The following BCAR3 variants were observed in gnomAD, a reference collection of about 807,000 sequenced individuals.
BCAR3 encodes breast cancer anti-estrogen resistance protein 3.
A neutral mutation model predicts 80.1 loss-of-function variants in BCAR3; 37 were observed. That is an observed-to-expected ratio of 0.46 (90% CI 0.36 to 0.61). The LOEUF (loss-of-function observed/expected upper bound fraction) is 0.61, where lower values mean the gene tolerates loss of function less well. Ranked by LOEUF, BCAR3 falls within the 20% of genes least tolerant of loss-of-function variation. The pLI is 0.00. For synonymous variants in BCAR3, 389 were observed against 418.9 expected (o/e 0.93, Z 0.87); for missense variants, 978 against 1,068.2 (o/e 0.92, Z 1.18).
intron 2 of BCAR3, among the ~76,000 whole-genome samples, chr1:93,809,495 C>T (rs879363044): frequency 6.6e-6 from 1 of 152,164 alleles, no homozygotes; most frequent in South Asian, 2.1e-4. Context: ...CTGCTGGGCA[C>T]GGTAGCTCAT....
At chr1:93,714,923 AT>A (rs879803498) in intron 2 of BCAR3, among the ~76,000 whole-genome samples, 4 of 151,982 alleles carry the variant, frequency 2.6e-5, no homozygotes, top group Non-Finnish European at 5.9e-5. Flanking sequence ...CAGGAAAAGC[AT>A]TTTTTTTGAA....
intron 2 of BCAR3, among the ~76,000 whole-genome samples, chr1:93,706,499 G>T (rs1649832039): frequency 6.6e-6 from 1 of 152,218 alleles, no homozygotes; most frequent in South Asian, 2.1e-4. Context: ...AGGGAAGCAA[G>T]CAGAGGACTG....
intron 2 of BCAR3, among the ~76,000 whole-genome samples, chr1:93,666,008 C>T (rs903365073): frequency 4.6e-5 from 7 of 152,202 alleles, no homozygotes; most frequent in Non-Finnish European, 5.9e-5. Context: ...TCTACCACCA[C>T]GCTAGTGCAG....
chr1:93,767,029 T>TAA (rs138339409), intron 2 of BCAR3, among the ~76,000 whole-genome samples: 3 of 150,970 alleles, frequency 2.0e-5, no homozygotes, highest in African/African-American at 7.3e-5. Flanking sequence ...TGTGACAGAG[T>TAA]AAAAAAAAAG....
intron 2 of BCAR3, among the ~76,000 whole-genome samples, chr1:93,716,447 A>G (rs1650192784): frequency 6.6e-6 from 1 of 152,172 alleles, no homozygotes; most frequent in Non-Finnish European, 1.5e-5. Context: ...AAGCTCAATC[A>G]CCTACAAGAT....
intron 2 of BCAR3, among the ~76,000 whole-genome samples, chr1:93,770,600 C>T (rs531569899): frequency 2.6e-5 from 4 of 152,264 alleles, no homozygotes; most frequent in Admixed American, 2.6e-4. Flanking sequence ...AACCTGGGAG[C>T]ATCCCCATGA....
At chr1:93,609,833 CCTTCTCTGGATAA>C (rs1674896382) in intron 3 of BCAR3, among the ~76,000 whole-genome samples, 1 of 152,204 alleles carries the variant, frequency 6.6e-6, no homozygotes, top group African/African-American at 2.4e-5. Context: ...CAATTCTCCT[CCTTCTCTGGATAA>C]CTTCGACTAA....
At chr1:93,685,789 T>A (rs1648953743), upstream of BCAR3, among the ~76,000 whole-genome samples, 1 of 152,210 alleles carries the variant, frequency 6.6e-6, no homozygotes, top group Non-Finnish European at 1.5e-5. Context: ...GGCCAGAAGG[T>A]GTTATTAATA....
At chr1:93,615,739 G>A (rs1675099949) in intron 3 of BCAR3, among the ~76,000 whole-genome samples, 1 of 152,172 alleles carries the variant, frequency 6.6e-6, no homozygotes, top group African/African-American at 2.4e-5. Flanking sequence ...GTCCGTGTGA[G>A]CAGCCAGGCC....
intron 2 of BCAR3, among the ~76,000 whole-genome samples, chr1:93,785,304 G>C (rs1337062250): frequency 6.6e-6 from 1 of 152,170 alleles, no homozygotes; most frequent in Non-Finnish European, 1.5e-5. Flanking sequence ...TCAAATGCTT[G>C]TCAGACATAA....
intron 1 of BCAR3, among the ~76,000 whole-genome samples, chr1:93,679,771 A>G (rs956429646): frequency 6.6e-6 from 1 of 152,226 alleles, no homozygotes; most frequent in Non-Finnish European, 1.5e-5. Context: ...CTTTACAATG[A>G]TGTCTCAAAG....
intron 3 of BCAR3, chr1:93,613,801 C>A: frequency 6.5e-7 from 1 of 1,540,406 alleles, no homozygotes; most frequent in Non-Finnish European, 8.8e-7. Flanking sequence ...CTTTCAGGGT[C>A]CCCCAAAAGA....
At chr1:93,580,982 A>C (rs1411170670) in intron 7 of BCAR3, among the ~76,000 whole-genome samples, 1 of 152,150 alleles carries the variant, frequency 6.6e-6, no homozygotes, top group Non-Finnish European at 1.5e-5. Flanking sequence ...GCAACATGGC[A>C]AAACCCTATC....
chr1:93,595,966 G>A lies in BCAR3; in HGVS notation c.358-3573C>T, dbSNP rs576620611. On this transcript the variant is annotated intron_variant, in intron 3 of 11. Coordinates refer to ENST00000260502, the MANE Select transcript of BCAR3 (RefSeq NM_003567.4). ...GGGAAGAATTTGGATTTTTTCCCTG[G>A]AATGCAAGCATTCTATTCATGGCAT... Among the ~76,000 whole-genome samples, 8 of 152,284 alleles carry A rather than the reference G, an allele frequency of 5.3e-5. No individual in the cohort carries two copies. In the South Asian group the frequency reaches 1.7e-3, roughly 32 times the overall value.
chr1:93,665,978 G>A (rs1285806996), intron 2 of BCAR3, among the ~76,000 whole-genome samples: 1 of 151,940 alleles, frequency 6.6e-6, no homozygotes, highest in Non-Finnish European at 1.5e-5. Context: ...ACTATATCTC[G>A]AATCCACAGA....
intron 1 of BCAR3, 121 bp downstream of exon 1, chr1:93,681,477 T>C (rs1648758634): frequency 6.6e-6 from 1 of 152,138 alleles, no homozygotes; most frequent in Admixed American, 6.5e-5. Context: ...CGGCTCTACT[T>C]TCCCCAGAGC....
intron 9 of BCAR3, 104 bp from the exon 10 acceptor site, chr1:93,567,955 G>A (rs1673027404): frequency 1.2e-6 from 1 of 861,482 alleles, no homozygotes; most frequent in East Asian, 2.6e-5. Flanking sequence ...GGGAGGCTGA[G>A]GCGGGTGGAT....
intron 2 of BCAR3, among the ~76,000 whole-genome samples, chr1:93,736,371 T>G (rs975403194): frequency 3.3e-5 from 5 of 152,196 alleles, no homozygotes; most frequent in African/African-American, 1.2e-4. Flanking sequence ...GTATTTTTAG[T>G]AGAAACGGGG....
At chr1:93,603,321 G>A (rs978139936) in intron 3 of BCAR3, among the ~76,000 whole-genome samples, 1 of 152,258 alleles carries the variant, frequency 6.6e-6, no homozygotes, top group African/African-American at 2.4e-5. Context: ...GGTGCCACTT[G>A]TACACAGCTG....
Sources: allele counts gnomAD v4.1 joint callset (sites outside exome capture counted in the v4.1 genomes callset), GRCh38; gene constraint gnomAD v4.1.1; transcripts MANE v1.5; gene names NCBI Gene and HGNC (gene_info 2026-07-23, HGNC 2026-07-21).